Variants in USP42 observed in about 807,000 individuals in gnomAD.
The protein encoded by USP42 is ubiquitin specific peptidase 42, also known as ubiquitin carboxyl-terminal hydrolase 42.
A neutral mutation model predicts 113.0 loss-of-function variants in USP42; 23 were observed. The ratio of observed to expected loss-of-function variants is 0.20; its 90% CI spans 0.15 to 0.29. USP42 has a LOEUF of 0.29. Among genes scored for constraint, USP42 ranks in the 10% least tolerant of loss-of-function variants. The probability of loss-of-function intolerance (pLI) is 1.00; values close to 1 mark genes in which losing one functional copy is unlikely to be tolerated. For missense variants in USP42, 2,174 were observed against 1,779.8 expected (o/e 1.22, Z -3.99); for synonymous variants, 933 against 699.0 (o/e 1.33, Z -5.28).
At chr7:6,137,404 C>A (rs1002156418) in intron 4 of USP42, among the ~76,000 whole-genome samples, 2 of 152,192 alleles carry the variant, frequency 1.3e-5, no homozygotes, top group Admixed American at 1.3e-4. Context: ...TGTCCCCAAG[C>A]CTGGAGTGCA....
upstream of USP42, among the ~76,000 whole-genome samples, chr7:6,102,411 T>A (rs1350818774): frequency 6.7e-6 from 1 of 148,166 alleles, no homozygotes; most frequent in African/African-American, 2.5e-5. Context: ...CACGCCCAGA[T>A]TCTACTAAGA....
In USP42 at chr7:6,150,393, ATT is replaced by A; in HGVS notation, c.2107-15_2107-14del. 6.2e-7 allele frequency: 1 copy of A among 1,612,916 alleles called. No homozygotes were observed. Among genetic ancestry groups the A allele is most frequent in the Non-Finnish European group, 8.5e-7 (1 of 1,179,074 alleles). On this transcript the variant is annotated splice_polypyrimidine_tract_variant and intron_variant, in intron 13 of 17. Coordinates refer to ENST00000306177, the MANE Select transcript of USP42 (RefSeq NM_032172.3). ...TGGAGCTGGCGACTGAAGCTGAAAT[ATT>A]TTTGTTTTTATTGCAGTTGATGCCT...
At position 6,139,067 on chromosome 7, in the gene USP42, C is replaced by T. The variant is rs916489646; in HGVS notation, c.554-25C>T. The T allele has an allele frequency of 4.0e-6, 6 of 1,517,684 alleles. No individual in the cohort carries two copies. In the Admixed American group the frequency reaches 9.3e-5, roughly 24 times the overall value. The allele number at this position is 1,517,684 out of a possible 1,614,324, so 94.0% of individuals were successfully genotyped here. A position where few individuals can be genotyped will look rare whatever the true frequency, so the allele number is the denominator to read the frequency against. ...AGGCTTATTACGTGTAATGATAAAG[C>T]CTTGTCTTTACCGAAATTTTACAGG... On this transcript the variant is annotated intron_variant, in intron 4 of 17. Transcript: ENST00000306177. This position sits in a 1 kb window ranked among gnomAD's most constrained non-coding sequence, Gnocchi z 4.5.
At chr7:6,136,393 A>G (rs1781152118) in intron 4 of USP42, among the ~76,000 whole-genome samples, 1 of 152,196 alleles carries the variant, frequency 6.6e-6, no homozygotes, top group African/African-American at 2.4e-5. Context: ...GTACGTGGCT[A>G]TGTCTTTGAT....
Position 6,136,003 on chromosome 7 carries a change from T to G in USP42, c.553+52T>G, listed in dbSNP as rs1781123110. ...ATTTGTATTTATTACCTAGTTATAC[T>G]TTTTTTTTTTTTTTTTTTCGAGACA... On this transcript the variant is annotated intron_variant, in intron 4 of 17. Transcript: ENST00000306177. The G allele has an allele frequency of 3.3e-5, 6 of 182,556 alleles. No individual in the cohort carries two copies. In the East Asian group the frequency reaches 2.0e-3, roughly 61 times the overall value. 11.3% of individuals were successfully genotyped at this position (182,556 alleles called of 1,614,324 possible).
the USP42 span, among the ~76,000 whole-genome samples, chr7:6,082,297 T>C: frequency 2.0e-5 from 3 of 151,188 alleles, no homozygotes; most frequent in Non-Finnish European, 4.4e-5. Flanking sequence ...CCCGGCTAAT[T>C]TTTTGTATTT....
rs1310138886 is a variant in USP42 at position 6,156,647 on chromosome 7, C to T, written c.3642-107C>T. On this transcript the variant is annotated intron_variant, in intron 15 of 17. Transcript: ENST00000306177. Reference sequence around the variant, plus strand: ...CTAATTAGATAAGAATTGTGCGTGTCTGCACAGTGAATGTTCTCGGTGAAT... The same window carrying T: ...CTAATTAGATAAGAATTGTGCGTGTTTGCACAGTGAATGTTCTCGGTGAAT... The T allele has an allele frequency of 3.5e-6, 5 of 1,430,804 alleles. No individual in the cohort carries two copies. The African/African-American group carries it at 5.8e-5, about 17-fold the overall frequency. The allele number at this position is 1,430,804 out of a possible 1,614,324, so 88.6% of individuals were successfully genotyped here.
intron 12 of USP42, among the ~76,000 whole-genome samples, chr7:6,149,098 G>C (rs1781884893): frequency 6.6e-6 from 1 of 152,226 alleles, no homozygotes; most frequent in African/African-American, 2.4e-5. Flanking sequence ...ACTGCGTGAG[G>C]AGAATGTGGA....
Position 6,158,346 on chromosome 7 carries a change from G to A in USP42, c.3944-1104G>A, listed in dbSNP as rs866423230. Reference sequence around the variant, plus strand: ...AAGGGTTTGTCACCCCTGCCTGGACGCCCATTGTTTGTGTTCACGTGTGAA... The same window carrying A: ...AAGGGTTTGTCACCCCTGCCTGGACACCCATTGTTTGTGTTCACGTGTGAA... On this transcript the variant is annotated intron_variant, in intron 16 of 17. Transcript: ENST00000306177. The surrounding 1 kb of genome is among the most constrained non-coding windows in gnomAD (Gnocchi z 4.2). 5.3e-5 allele frequency among the ~76,000 whole-genome samples: 8 copies of A among 152,172 alleles called. No individual in the cohort carries two copies. The highest frequency in any genetic ancestry group is 3.3e-4 in the Admixed American group (5 of 15,284).
chr7:6,160,297 G>GT (rs990731521), intron 17 of USP42, among the ~76,000 whole-genome samples: 50 of 152,346 alleles, frequency 3.3e-4, no homozygotes, highest in African/African-American at 1.1e-3. Flanking sequence ...AACTTCCTGA[G>GT]TGAGGGGCTG....
At chr7:6,085,697 C>G in the USP42 span, among the ~76,000 whole-genome samples, 1 of 149,958 alleles carries the variant, frequency 6.7e-6, no homozygotes, top group Non-Finnish European at 1.5e-5. Context: ...TCACCAGAGC[C>G]TCTGCCTCTT....
intron 1 of USP42, among the ~76,000 whole-genome samples, chr7:6,106,087 A>G (rs1779261587): frequency 6.6e-6 from 1 of 152,216 alleles, no homozygotes; most frequent in African/African-American, 2.4e-5. Context: ...CAAATTGCCT[A>G]GGGGATATGA....
the USP42 span, among the ~76,000 whole-genome samples, chr7:6,086,599 C>A: frequency 1.3e-5 from 2 of 150,588 alleles, no homozygotes; most frequent in Non-Finnish European, 2.9e-5. Flanking sequence ...ATCCACCCCC[C>A]TCAACCTCCC....
chr7:6,096,097 G>C, the USP42 span, among the ~76,000 whole-genome samples: 6 of 150,974 alleles, frequency 4.0e-5, no homozygotes, highest in Non-Finnish European at 8.8e-5. Flanking sequence ...TGGCTCAGGT[G>C]GGGGAATCTG....
In USP42 at chr7:6,153,781, C is replaced by T. The variant is rs1256479776; in HGVS notation, c.2227C>T (p.Pro743Ser). The change falls in exon 15 of 18, where the codon CCC (proline) becomes TCC (serine). Residue 743 changes from proline (P) to serine (S), a missense_variant. Transcript: ENST00000306177. ...TGCACCTGGAGCAGAGAGGGGCCCT[C>T]CCGAGGACCGCGACGCCGAGCCTCA... is the stretch of plus-strand genomic sequence containing the variant. ...MSAPGAERGP[P>S]EDRDAEPQPG... 2.7e-6 allele frequency: 4 copies of T among 1,489,358 alleles called. No homozygotes were observed. The African/African-American group carries it at 5.7e-5, about 21-fold the overall frequency. The allele number at this position is 1,489,358 out of a possible 1,614,324, so 92.3% of individuals were successfully genotyped here. A position where few individuals can be genotyped will look rare whatever the true frequency, so the allele number is the denominator to read the frequency against.
intron 4 of USP42, among the ~76,000 whole-genome samples, chr7:6,138,484 T>C (rs1179199996): frequency 6.6e-6 from 1 of 152,220 alleles, no homozygotes; most frequent in East Asian, 1.9e-4. Flanking sequence ...GCCAGTTTAT[T>C]CAAGTGTAAC....
chr7:6,126,907 A>G (rs1780576570), intron 3 of USP42, among the ~76,000 whole-genome samples: 1 of 152,218 alleles, frequency 6.6e-6, no homozygotes, highest in African/African-American at 2.4e-5. Flanking sequence ...ATGCTGGGTT[A>G]TATGGTAGTT....
chr7:6,108,186 C>G (rs918840966), intron 1 of USP42, among the ~76,000 whole-genome samples: 4 of 151,994 alleles, frequency 2.6e-5, no homozygotes, highest in Non-Finnish European at 4.4e-5. Context: ...GACTTTGTCT[C>G]AAAACATAAC....
chr7:6,148,847 T>A (rs1781868655), intron 12 of USP42, among the ~76,000 whole-genome samples: 1 of 152,204 alleles, frequency 6.6e-6, no homozygotes, highest in African/African-American at 2.4e-5. Context: ...TGGGCTCTGC[T>A]CCAGAGTGAC....
Sources: allele counts gnomAD v4.1 joint callset (sites outside exome capture counted in the v4.1 genomes callset), GRCh38; gene constraint gnomAD v4.1.1; non-coding constraint Gnocchi (gnomAD v3.1); transcripts MANE v1.5; gene names NCBI Gene and HGNC (gene_info 2026-07-23, HGNC 2026-07-21).